Variants in NT5C2 observed in about 807,000 individuals in gnomAD.
The protein encoded by NT5C2 is cytosolic purine 5'-nucleotidase.
In NT5C2, 58 loss-of-function variants were observed where a neutral mutation model predicts 76.1. The ratio of observed to expected loss-of-function variants is 0.76; its 90% CI spans 0.62 to 0.95. The LOEUF (loss-of-function observed/expected upper bound fraction) is 0.95, where lower values mean the gene tolerates loss of function less well. Among genes scored for constraint, NT5C2 ranks in the 40% least tolerant of loss-of-function variants. NT5C2 has a pLI of 0.00. For missense variants in NT5C2, 478 were observed against 690.3 expected (o/e 0.69, Z 3.45); for synonymous variants, 229 against 237.4 (o/e 0.96, Z 0.32).
At chr10:103,174,244 CA>C (rs2089203491) in intron 3 of NT5C2, among the ~76,000 whole-genome samples, 1 of 151,982 alleles carries the variant, frequency 6.6e-6, no homozygotes, top group Non-Finnish European at 1.5e-5. Context: ...CTGTCTCTAC[CA>C]AAACTACAAA....
chr10:103,164,238 C>T lies in NT5C2; in HGVS notation c.101+10620G>A, dbSNP rs778210449. ...ACTCCATCCTGGGCAACAGTGAAAT[C>T]GTGTCTCTGAAAAACAATGCTTTTT... On this transcript the variant is annotated intron_variant, in intron 3 of 18. Transcript: ENST00000404739. 1.8e-3 allele frequency among the ~76,000 whole-genome samples: 277 copies of T among 151,962 alleles called. 1 individual carries two copies. Among genetic ancestry groups the T allele is most frequent in the Admixed American group, 5.2e-3 (79 of 15,252 alleles).
At position 103,090,719 on chromosome 10, in the gene NT5C2, C is replaced by A; in HGVS notation, c.1341G>T (p.Gln447His). The change falls in exon 18 of 19, where the codon CAG (glutamine) becomes CAT (histidine). Residue 447 changes from glutamine (Q) to histidine (H), a missense_variant. By Grantham distance (24) the Gln-to-His change is conservative. Transcript: ENST00000404739. ...MGSLFRSGSR[Q>H]TLFASQVMRY... Reference sequence around the variant, plus strand: ...GCATCACTTGACTGGCAAAAAGGGTCTGCCGGGAGCCACTGCGAAACAGGC... The same window carrying A: ...GCATCACTTGACTGGCAAAAAGGGTATGCCGGGAGCCACTGCGAAACAGGC... 6.2e-7 allele frequency: 1 copy of A among 1,614,186 alleles called. No homozygotes were observed. The highest frequency in any genetic ancestry group is 1.3e-5 in the African/African-American group (1 of 75,034).
intron 4 of NT5C2, among the ~76,000 whole-genome samples, chr10:103,119,482 G>A: frequency 6.6e-6 from 1 of 152,200 alleles, no homozygotes; most frequent in Non-Finnish European, 1.5e-5. Context: ...GTGGGATGAG[G>A]TAATGCACAA....
intron 16 of NT5C2, 93 bp from the exon 17 acceptor site, chr10:103,091,089 C>T: frequency 8.7e-7 from 1 of 1,152,218 alleles, no homozygotes; most frequent in Non-Finnish European, 1.3e-6. Flanking sequence ...GGCTGGAGTG[C>T]AGGGGTGTGA....
At chr10:103,158,747 G>A (rs1000536397) in intron 3 of NT5C2, among the ~76,000 whole-genome samples, 2 of 151,524 alleles carry the variant, frequency 1.3e-5, no homozygotes, top group Non-Finnish European at 2.9e-5. Context: ...TAACCCAGGA[G>A]GCGGAGGTTG....
Position 103,101,094 on chromosome 10 carries a change from G to T in NT5C2, c.490C>A (p.Leu164Met). 1 of 1,593,232 alleles carries T rather than the reference G, an allele frequency of 6.3e-7. No individual in the cohort carries two copies. The highest frequency in any genetic ancestry group is 1.3e-5 in the African/African-American group (1 of 74,606). Residue 164 changes from leucine (L) to methionine (M), a missense_variant, in exon 8 of 19, where the codon CTG (leucine) becomes ATG (methionine). Coordinates refer to ENST00000404739, the MANE Select transcript of NT5C2 (RefSeq NM_001351169.2). ...NTLFNLPETY[L>M]LACLVDFFTN... Reference sequence around the variant, plus strand: ...AAAAAATCTACTAGGCAGGCCAACAGGTAGGTCTCTGAAAAATGAAGAACA... The same window carrying T: ...AAAAAATCTACTAGGCAGGCCAACATGTAGGTCTCTGAAAAATGAAGAACA...
At chr10:103,193,061 C>T (rs2135642804) in intron 1 of NT5C2, among the ~76,000 whole-genome samples, 175 bp downstream of exon 1, 1 of 150,970 alleles carries the variant, frequency 6.6e-6, no homozygotes, top group East Asian at 2.0e-4. Flanking sequence ...CGCGAGCGCG[C>T]TGGCGGGGAC....
chr10:103,106,396 A>G (rs1300482972), intron 5 of NT5C2, among the ~76,000 whole-genome samples, 193 bp downstream of exon 5: 1 of 152,204 alleles, frequency 6.6e-6, no homozygotes, highest in Admixed American at 6.5e-5. Flanking sequence ...TAATTCAGGA[A>G]CACCAAGATA....
At chr10:103,188,369 T>C (rs545733838) in intron 1 of NT5C2, among the ~76,000 whole-genome samples, 17 of 151,304 alleles carry the variant, frequency 1.1e-4, no homozygotes, top group Non-Finnish European at 1.9e-4. Context: ...AATAAATAAA[T>C]AAAAAATAAA....
At chr10:103,188,904 C>T (rs531092639) in intron 1 of NT5C2, among the ~76,000 whole-genome samples, 2 of 151,810 alleles carry the variant, frequency 1.3e-5, no homozygotes, top group South Asian at 2.1e-4. Context: ...CTGTAGTACT[C>T]GGGAGGCAGA....
chr10:103,129,986 T>C (rs1380509897), intron 4 of NT5C2, among the ~76,000 whole-genome samples: 2 of 149,460 alleles, frequency 1.3e-5, no homozygotes, highest in Non-Finnish European at 3.0e-5. Flanking sequence ...GAGGGGCGCC[T>C]CTGCCCGGCC....
At chr10:103,190,086 C>T (rs1342953122) in intron 1 of NT5C2, among the ~76,000 whole-genome samples, 1 of 149,396 alleles carries the variant, frequency 6.7e-6, no homozygotes, top group East Asian at 2.0e-4. Flanking sequence ...CTGCAACCTC[C>T]GCCTCCTGGG....
intron 3 of NT5C2, chr10:103,140,027 C>T (rs571039432): frequency 1.3e-5 from 2 of 152,394 alleles, no homozygotes; most frequent in Non-Finnish European, 2.9e-5. Flanking sequence ...AGGAGATCCT[C>T]CTTACCTCAG....
At chr10:103,091,673 T>C (rs1235989138) in intron 15 of NT5C2, 58 bp from the exon 16 acceptor site, 1 of 1,378,306 alleles carries the variant, frequency 7.3e-7, no homozygotes, top group East Asian at 2.3e-5. Flanking sequence ...ACCTAGTTCT[T>C]AACTGCTGCT....
At chr10:103,107,433 G>C (rs1482517800) in intron 4 of NT5C2, among the ~76,000 whole-genome samples, 1 of 152,160 alleles carries the variant, frequency 6.6e-6, no homozygotes, top group East Asian at 1.9e-4. Flanking sequence ...CCAGCACTTT[G>C]AGAAGCCGAG....
chr10:103,114,879 T>C (rs2073967585), intron 4 of NT5C2, among the ~76,000 whole-genome samples: 1 of 152,212 alleles, frequency 6.6e-6, no homozygotes, highest in Admixed American at 6.5e-5. Context: ...AATCACAACA[T>C]CCTCATGATC....
chr10:103,109,437 T>C (rs1590906441), intron 4 of NT5C2, among the ~76,000 whole-genome samples: 1 of 152,308 alleles, frequency 6.6e-6, no homozygotes, highest in Non-Finnish European at 1.5e-5. Context: ...CAGTTGCAAG[T>C]AAATCTCATT....
At chr10:103,183,388 A>T (rs1202785862) in intron 1 of NT5C2, among the ~76,000 whole-genome samples, 1 of 140,936 alleles carries the variant, frequency 7.1e-6, no homozygotes, top group Non-Finnish European at 1.5e-5. Flanking sequence ...TACTAGTTTT[A>T]AACTGTTCTT....
chr10:103,192,706 A>G (rs1233812864), intron 1 of NT5C2, among the ~76,000 whole-genome samples: 1 of 152,098 alleles, frequency 6.6e-6, no homozygotes, highest in East Asian at 1.9e-4. Flanking sequence ...GCGCTCCACC[A>G]GAGGCCCCTT....
Sources: allele counts gnomAD v4.1 joint callset (sites outside exome capture counted in the v4.1 genomes callset), GRCh38; gene constraint gnomAD v4.1.1; transcripts MANE v1.5; gene names NCBI Gene and HGNC (gene_info 2026-07-23, HGNC 2026-07-21).